Variants in AMBN observed in about 807,000 individuals in gnomAD.
The protein encoded by AMBN is enamel matrix protein.
Under a neutral mutation model 48.0 loss-of-function variants are expected in AMBN, and 54 were observed. The observed-to-expected ratio is 1.12, with a 90% CI of 0.90 to 1.41. The LOEUF is 1.41. Ranked by LOEUF, AMBN falls within the 40% of genes most tolerant of loss-of-function variation. The pLI, the probability that AMBN is intolerant of heterozygous loss-of-function variation, is 0.00. For missense variants in AMBN, 571 were observed against 547.3 expected (o/e 1.04, Z -0.43); for synonymous variants, 186 against 190.0 (o/e 0.98, Z 0.17).
intron 2 of AMBN, 51 bp downstream of exon 2, chr4:70,593,446 T>C (rs1225683528): frequency 6.9e-7 from 1 of 1,450,824 alleles, no homozygotes; most frequent in Admixed American, 1.7e-5. Flanking sequence ...ATTGTCGAAC[T>C]CCAAACAACA....
intron 1 of AMBN, 81 bp downstream of exon 1, chr4:70,592,454 T>A: frequency 6.8e-7 from 1 of 1,471,702 alleles, no homozygotes; most frequent in Non-Finnish European, 9.5e-7. Context: ...ATAAAGAGGA[T>A]TTATCTTCAT....
At chr4:70,602,123 A>C (rs1293329523) in intron 6 of AMBN, among the ~76,000 whole-genome samples, 1 of 152,216 alleles carries the variant, frequency 6.6e-6, no homozygotes, top group African/African-American at 2.4e-5. Flanking sequence ...GGATTAAAAA[A>C]AAAATGAAGG....
At position 70,603,303 on chromosome 4, in the gene AMBN, A is replaced by G. The variant is rs1452981641; in HGVS notation, c.692A>G (p.Gln231Arg). The G allele has an allele frequency of 1.9e-6, 3 of 1,613,664 alleles. No individual in the cohort carries two copies. In the African/African-American group the frequency reaches 4.0e-5, roughly 22 times the overall value. The change falls in exon 10 of 13, where the codon CAA becomes CGA. Residue 231 changes from glutamine (Q) to arginine (R), a missense_variant. Coordinates refer to ENST00000322937, the MANE Select transcript of AMBN (RefSeq NM_016519.6). ...TTGATTTCTCACGGACCAATGCCAC[A>G]AAATAAACAATCTCCAGTAAGTTTT... The part of the protein sequence containing the change: ...ARLISHGPMP[Q>R]NKQSPLYPGM...
In AMBN at chr4:70,598,419, A is replaced by G; in HGVS notation, c.183+16A>G. 6.3e-7 allele frequency: 1 copy of G among 1,575,938 alleles called. No homozygotes were observed. Among genetic ancestry groups the G allele is most frequent in the Non-Finnish European group, 8.6e-7 (1 of 1,158,732 alleles). On this transcript the variant is annotated intron_variant, in intron 4 of 12. Coordinates refer to ENST00000322937, the MANE Select transcript of AMBN (RefSeq NM_016519.6). The stretch of plus-strand genomic sequence containing the variant: ...ACTTTCTCAGGTAATCATATTTCTT[A>G]TTGCAAGTATTCATGGTGGTGGTAG...
At chr4:70,605,741 T>G (rs1212458089) in intron 12 of AMBN, among the ~76,000 whole-genome samples, 3 of 152,094 alleles carry the variant, frequency 2.0e-5, no homozygotes, top group Non-Finnish European at 2.9e-5. Context: ...GCCTGGGCCG[T>G]ATAATGAGAC....
chr4:70,601,488 G>C lies in AMBN; in HGVS notation c.365G>C (p.Gly122Ala). The C allele has an allele frequency of 6.2e-7, 1 of 1,614,158 alleles. No homozygotes were observed. The highest frequency in any genetic ancestry group is 2.2e-5 in the East Asian group (1 of 44,878). The change falls in exon 6 of 13, where the codon GGA becomes GCA. Residue 122 changes from glycine (G) to alanine (A), a missense_variant. Physicochemically the swap from Gly to Ala is moderately conservative, Grantham distance 60 (BLOSUM62 0). Transcript: ENST00000322937. ...CCATCCTTGAAGCCTCAACAGCCAG[G>C]ACTGAAACCTTTTCTCCAGTCTGCT... ...SQPSLKPQQP[G>A]LKPFLQSAAA...
chr4:70,603,379 A>G (rs769705808), intron 10 of AMBN, 37 bp from the exon 11 acceptor site: 6 of 1,613,284 alleles, frequency 3.7e-6, no homozygotes, highest in Non-Finnish European at 5.1e-6. Flanking sequence ...TTTCCATTGG[A>G]AAATGCATTT....
chr4:70,603,974 A>G (rs574018774), intron 12 of AMBN, 53 bp downstream of exon 12: 3 of 1,567,690 alleles, frequency 1.9e-6, no homozygotes, highest in East Asian at 2.3e-5. Flanking sequence ...AAGAACAGTC[A>G]CTTATGACTG....
At position 70,606,258 on chromosome 4, in the gene AMBN, G is replaced by A; in HGVS notation, c.872G>A (p.Gly291Glu). The A allele has an allele frequency of 6.2e-7, 1 of 1,614,134 alleles. No individual in the cohort carries two copies. The highest frequency in any genetic ancestry group is 8.5e-7 in the Non-Finnish European group (1 of 1,180,014). ...GGAGGCATGAGGCCCGGCTTTGAGG[G>A]AATGCCCCACAACCCAGCTATGGGC... ...GFGGMRPGFE[G>E]MPHNPAMGGD... Residue 291 changes from glycine (G) to glutamate (E), a missense_variant, in exon 13 of 13, where the codon GGA (glycine) becomes GAA (glutamate). Coordinates refer to ENST00000322937, the MANE Select transcript of AMBN (RefSeq NM_016519.6).
At chr4:70,605,767 A>C (rs1169921763) in intron 12 of AMBN, among the ~76,000 whole-genome samples, 1 of 152,176 alleles carries the variant, frequency 6.6e-6, no homozygotes, top group Non-Finnish European at 1.5e-5. Context: ...AAAGAAAAAA[A>C]AAGTACATGG....
At chr4:70,600,540 T>G (rs1447055675) in intron 5 of AMBN, among the ~76,000 whole-genome samples, 1 of 152,146 alleles carries the variant, frequency 6.6e-6, no homozygotes, top group Admixed American at 6.5e-5. Context: ...AATTGTGACA[T>G]GTGAGTAATG....
intron 5 of AMBN, 74 bp downstream of exon 5, chr4:70,599,720 G>T: frequency 5.2e-6 from 6 of 1,149,040 alleles, no homozygotes; most frequent in Non-Finnish European, 7.4e-6. Context: ...TTTAAGTTAT[G>T]ATATATTAGA....
At chr4:70,593,740 C>G (rs1012153101) in intron 2 of AMBN, among the ~76,000 whole-genome samples, 1 of 152,050 alleles carries the variant, frequency 6.6e-6, no homozygotes, top group African/African-American at 2.4e-5. Context: ...TGGTGGGCAC[C>G]TGTAATCCCA....
intron 12 of AMBN, among the ~76,000 whole-genome samples, chr4:70,604,798 G>C (rs1364791286): frequency 1.3e-5 from 2 of 152,094 alleles, no homozygotes; most frequent in African/African-American, 2.4e-5. Flanking sequence ...TTTGAGACCA[G>C]CCTGGCCAAC....
intron 2 of AMBN, 33 bp from the exon 3 acceptor site, chr4:70,596,966 A>AT (rs774984989): frequency 1.2e-6 from 2 of 1,605,800 alleles, no homozygotes; most frequent in Non-Finnish European, 1.7e-6. Flanking sequence ...TTTTGTACCA[A>AT]TAAGACTCAA....
chr4:70,599,558 A>G lies in AMBN; in HGVS notation c.206A>G (p.Lys69Arg), dbSNP rs1737470550. 1.2e-6 allele frequency: 2 copies of G among 1,612,684 alleles called. No homozygotes were observed. The highest frequency in any genetic ancestry group is 1.3e-5 in the African/African-American group (1 of 74,848). ...LSQYSRYGFGKSFNSLWMHGL... is the reference protein window; with the variant it reads ...LSQYSRYGFGRSFNSLWMHGL... ...TAGTATTCTAGATACGGCTTTGGAA[A>G]ATCATTTAATTCTTTGTGGATGCAC... The change falls in exon 5 of 13, where the codon AAA (lysine) becomes AGA (arginine). Residue 69 changes from lysine (K) to arginine (R), a missense_variant. Coordinates refer to ENST00000322937, the MANE Select transcript of AMBN (RefSeq NM_016519.6).
At chr4:70,595,282 G>T (rs1737362948) in intron 2 of AMBN, among the ~76,000 whole-genome samples, 1 of 150,990 alleles carries the variant, frequency 6.6e-6, no homozygotes, top group Non-Finnish European at 1.5e-5. Context: ...CCTCCTTCTG[G>T]GTTCAAGCGA....
chr4:70,596,890 G>C (rs1316844103), intron 2 of AMBN, 109 bp from the exon 3 acceptor site: 1 of 777,818 alleles, frequency 1.3e-6, no homozygotes, highest in South Asian at 2.1e-5. Flanking sequence ...AAACCAAAAT[G>C]GTGGCCTCTC....
chr4:70,597,858 A>G (rs1397373008), intron 3 of AMBN, among the ~76,000 whole-genome samples: 1 of 152,202 alleles, frequency 6.6e-6, no homozygotes, highest in Non-Finnish European at 1.5e-5. Context: ...ATTCTCGATA[A>G]TCTATCCAGA....
Sources: gnomAD v4.1 joint callset for allele counts (sites outside exome capture counted in the v4.1 genomes callset) on GRCh38, gnomAD v4.1.1 for gene constraint, MANE v1.5 for transcripts, NCBI Gene and HGNC (gene_info 2026-07-23, HGNC 2026-07-21) for gene names.